DNM3: variants seen among roughly 807,000 people sequenced by gnomAD.
DNM3 encodes dynamin 3, also known as dynamin-3.
In DNM3, 47 loss-of-function variants were observed where a neutral mutation model predicts 101.6. The observed-to-expected ratio is 0.46, with a 90% confidence interval of 0.37 to 0.59. The LOEUF is 0.59. Ranked by LOEUF, DNM3 falls within the 20% of genes least tolerant of loss-of-function variation. DNM3 has a pLI of 0.00. For synonymous variants in DNM3, 385 were observed against 387.9 expected (o/e 0.99, Z 0.09); for missense variants, 849 against 1,085.7 (o/e 0.78, Z 3.06).
intron 20 of DNM3, among the ~76,000 whole-genome samples, chr1:172,395,050 G>A (rs528977298): frequency 3.9e-5 from 6 of 152,182 alleles, no homozygotes; most frequent in South Asian, 2.1e-4. Flanking sequence ...TTTTAACGAC[G>A]TCAACGATTC....
Position 172,294,902 on chromosome 1 carries a change from A to C in DNM3, c.1770-13826A>C, listed in dbSNP as rs535312691. ...ACTACAGCCTGGGCAACAGAGCCAG[A>C]CTTTGTCTCAAAAAAAAAAAAAAAA... is the stretch of plus-strand genomic sequence containing the variant. On this transcript the variant is annotated intron_variant, in intron 15 of 20. Coordinates refer to ENST00000627582, the MANE Select transcript of DNM3 (RefSeq NM_015569.5). Among the ~76,000 whole-genome samples, 574 of 145,110 alleles carry C rather than the reference A, an allele frequency of 4.0e-3. 3 individuals are homozygous for C. Among genetic ancestry groups the C allele is most frequent in the Middle Eastern group, 0.018 (5 of 276 alleles).
intron 1 of DNM3, among the ~76,000 whole-genome samples, chr1:171,891,145 A>G (rs1436206061): frequency 3.3e-5 from 5 of 152,348 alleles, no homozygotes; most frequent in African/African-American, 4.8e-5. Context: ...AAAGGCTGCA[A>G]TGACCAATAC....
At chr1:171,902,067 TA>T (rs1358602574) in intron 1 of DNM3, among the ~76,000 whole-genome samples, 31 of 152,214 alleles carry the variant, frequency 2.0e-4, no homozygotes, top group African/African-American at 7.0e-4. Flanking sequence ...TGTGAAATCA[TA>T]AAAAGGTTAA....
At chr1:171,910,833 T>C (rs957258197) in intron 1 of DNM3, among the ~76,000 whole-genome samples, 11 of 152,190 alleles carry the variant, frequency 7.2e-5, no homozygotes, top group African/African-American at 7.2e-5. Flanking sequence ...AGGATTTGAC[T>C]TGGGCTCCTG....
At chr1:172,325,778 G>T (rs1187862265) in intron 17 of DNM3, among the ~76,000 whole-genome samples, 1 of 152,162 alleles carries the variant, frequency 6.6e-6, no homozygotes, top group Admixed American at 6.5e-5. Context: ...GCTGTAAAGT[G>T]TGACTCATTT....
At chr1:172,170,600 C>T (rs1414918200) in intron 14 of DNM3, among the ~76,000 whole-genome samples, 1 of 151,838 alleles carries the variant, frequency 6.6e-6, no homozygotes, top group South Asian at 2.1e-4. Context: ...GTCAGTATTA[C>T]AATTGTTTGT....
At chr1:172,102,154 G>C (rs747930215) in intron 13 of DNM3, among the ~76,000 whole-genome samples, 3 of 151,956 alleles carry the variant, frequency 2.0e-5, no homozygotes, top group Non-Finnish European at 4.4e-5. Flanking sequence ...CACCACGCCC[G>C]GCCACTTAAA....
intron 1 of DNM3, among the ~76,000 whole-genome samples, chr1:171,861,440 C>T (rs1400037801): frequency 1.3e-5 from 2 of 152,096 alleles, no homozygotes; most frequent in East Asian, 1.9e-4. Flanking sequence ...CTGTTACATT[C>T]GTGGTCAATT....
intron 10 of DNM3, among the ~76,000 whole-genome samples, chr1:172,062,608 C>T (rs2051327965): frequency 6.6e-6 from 1 of 152,176 alleles, no homozygotes; most frequent in Admixed American, 6.5e-5. Flanking sequence ...CACTAGCCCA[C>T]TTGGTCCCAG....
intron 16 of DNM3, among the ~76,000 whole-genome samples, chr1:172,312,345 T>C (rs1036878468): frequency 6.6e-6 from 1 of 152,212 alleles, no homozygotes; most frequent in African/African-American, 2.4e-5. Flanking sequence ...CTGCACAAGA[T>C]ACCTCTATTT....
chr1:172,038,065 C>A (rs942825602), intron 6 of DNM3, among the ~76,000 whole-genome samples: 2 of 152,058 alleles, frequency 1.3e-5, no homozygotes, highest in African/African-American at 4.8e-5. Flanking sequence ...CAGGGTCTTC[C>A]TGGATTTAAA....
intron 10 of DNM3, among the ~76,000 whole-genome samples, chr1:172,062,430 G>A (rs115100389): frequency 0.014 from 2,178 of 152,164 alleles, 48 homozygotes; most frequent in African/African-American, 0.049. Context: ...CTTAGGTGAG[G>A]ACTTTTTTGT....
intron 2 of DNM3, among the ~76,000 whole-genome samples, chr1:171,945,215 A>AT (rs558018685): frequency 7.3e-5 from 11 of 150,162 alleles, no homozygotes; most frequent in East Asian, 2.0e-4. Context: ...ACATCATTGC[A>AT]TTTTTTTTTC....
At chr1:172,117,821 A>T (rs1404635752) in intron 13 of DNM3, among the ~76,000 whole-genome samples, 1 of 152,174 alleles carries the variant, frequency 6.6e-6, no homozygotes, top group Non-Finnish European at 1.5e-5. Flanking sequence ...CCTTAGAAGC[A>T]CTGAAAAAGG....
chr1:171,944,127 A>G (rs2041995030), intron 2 of DNM3, among the ~76,000 whole-genome samples: 1 of 152,120 alleles, frequency 6.6e-6, no homozygotes, highest in Non-Finnish European at 1.5e-5. Context: ...CAATATATAA[A>G]TGAATGGGTC....
At chr1:172,160,688 G>T (rs2058515218) in intron 14 of DNM3, among the ~76,000 whole-genome samples, 1 of 152,030 alleles carries the variant, frequency 6.6e-6, no homozygotes, top group Non-Finnish European at 1.5e-5. Context: ...AAAACAGGTA[G>T]AAGGAGTACA....
chr1:172,301,015 G>A (rs1269222928), intron 15 of DNM3, among the ~76,000 whole-genome samples: 1 of 152,188 alleles, frequency 6.6e-6, no homozygotes, highest in Admixed American at 6.6e-5. Flanking sequence ...CTCTGGGGAA[G>A]GTCTAGACAG....
At chr1:172,093,764 C>T in intron 13 of DNM3, 1 of 1,584,728 alleles carries the variant, frequency 6.3e-7, no homozygotes. Flanking sequence ...GTTGCTTTTT[C>T]ATTTAGCTTC....
At chr1:172,337,244 A>G (rs973768315) in intron 17 of DNM3, among the ~76,000 whole-genome samples, 8 of 152,182 alleles carry the variant, frequency 5.3e-5, no homozygotes, top group Admixed American at 3.9e-4. Flanking sequence ...TACATTCAGA[A>G]TTTGTTTGTG....
Sources: allele counts gnomAD v4.1 joint callset (sites outside exome capture counted in the v4.1 genomes callset), GRCh38; gene constraint gnomAD v4.1.1; transcripts MANE v1.5; gene names NCBI Gene and HGNC (gene_info 2026-07-23, HGNC 2026-07-21).